The following CADPS2 variants were observed in gnomAD, a reference collection of about 807,000 sequenced individuals.
CADPS2 encodes calcium-dependent secretion activator 2.
A neutral mutation model predicts 172.5 loss-of-function variants in CADPS2; 93 were observed. The observed-to-expected ratio is 0.54, with a 90% CI of 0.46 to 0.64. The LOEUF (loss-of-function observed/expected upper bound fraction) is 0.64. Among genes scored for constraint, CADPS2 ranks in the 30% least tolerant of loss-of-function variants. The probability of loss-of-function intolerance (pLI) is 0.00; values close to 1 mark genes in which losing one functional copy is unlikely to be tolerated. For synonymous variants in CADPS2, 546 were observed against 555.2 expected (o/e 0.98, Z 0.23); for missense variants, 1,420 against 1,565.9 (o/e 0.91, Z 1.57).
At chr7:122,369,142 CT>C (rs774649759) in intron 25 of CADPS2, among the ~76,000 whole-genome samples, 15 of 31,208 alleles carry the variant, frequency 4.8e-4, no homozygotes, top group Admixed American at 9.3e-4. Context: ...CCCCCCCCCC[CT>C]TTTTTTTTTT....
At chr7:122,721,284 G>C (rs1163056761) in intron 2 of CADPS2, among the ~76,000 whole-genome samples, 1 of 151,994 alleles carries the variant, frequency 6.6e-6, no homozygotes, top group Non-Finnish European at 1.5e-5. Flanking sequence ...AAAATTGATA[G>C]ACTGCTAGCA....
At chr7:122,847,911 C>A (rs78220034) in intron 1 of CADPS2, among the ~76,000 whole-genome samples, 1 of 152,104 alleles carries the variant, frequency 6.6e-6, no homozygotes, top group African/African-American at 2.4e-5. Flanking sequence ...GAAAGCAATA[C>A]GGTAGCAAAG....
intron 2 of CADPS2, among the ~76,000 whole-genome samples, chr7:122,700,697 A>G (rs1466384875): frequency 2.6e-5 from 4 of 152,166 alleles, no homozygotes; most frequent in South Asian, 4.1e-4. Context: ...GCTCTGCCCT[A>G]TGTTATCAAA....
rs76081752 is a variant in CADPS2 at position 122,405,270 on chromosome 7, A to C, written c.2746+2270T>G. Among the ~76,000 whole-genome samples the C allele has an allele frequency of 2.1e-3, 313 of 152,352 alleles. 12 individuals are homozygous for C. The East Asian group carries it at 0.055, about 27-fold the overall frequency. On this transcript the variant is annotated intron_variant, in intron 20 of 29. Coordinates refer to ENST00000449022, the MANE Select transcript of CADPS2 (RefSeq NM_017954.11). ...AAGATAATATTAAAAACCTGACTGTAATTTCATAGCAGAAAATGAATGATG... is the reference window on the plus strand; with the variant it reads ...AAGATAATATTAAAAACCTGACTGTCATTTCATAGCAGAAAATGAATGATG...
chr7:122,791,620 T>C (rs1226700923), intron 1 of CADPS2, among the ~76,000 whole-genome samples: 2 of 151,660 alleles, frequency 1.3e-5, no homozygotes, highest in South Asian at 2.1e-4. Context: ...ATTTATTTCA[T>C]TGCTATTTAA....
intron 7 of CADPS2, among the ~76,000 whole-genome samples, chr7:122,575,672 G>A (rs1424687345): frequency 6.6e-6 from 1 of 151,978 alleles, no homozygotes; most frequent in Non-Finnish European, 1.5e-5. Flanking sequence ...CCTGACCTCA[G>A]GTGATCTGCC....
At chr7:122,792,580 A>T (rs924211503) in intron 1 of CADPS2, among the ~76,000 whole-genome samples, 3 of 152,152 alleles carry the variant, frequency 2.0e-5, no homozygotes, top group East Asian at 1.9e-4. Flanking sequence ...ACACTATTTT[A>T]AAAAATGCAA....
At chr7:122,757,517 G>C (rs1171352863) in intron 1 of CADPS2, among the ~76,000 whole-genome samples, 1 of 151,992 alleles carries the variant, frequency 6.6e-6, no homozygotes, top group Non-Finnish European at 1.5e-5. Flanking sequence ...GTTTCTGGTT[G>C]AGATTCTGCC....
At chr7:122,834,683 C>G (rs933244972) in intron 1 of CADPS2, among the ~76,000 whole-genome samples, 4 of 152,216 alleles carry the variant, frequency 2.6e-5, no homozygotes, top group African/African-American at 9.7e-5. Context: ...GAGCCTTGCT[C>G]ACTGCTAGCA....
At chr7:122,666,490 C>T (rs959534710) in intron 2 of CADPS2, among the ~76,000 whole-genome samples, 1 of 152,006 alleles carries the variant, frequency 6.6e-6, no homozygotes, top group Non-Finnish European at 1.5e-5. Flanking sequence ...ACTACTGGCA[C>T]GTGCCACCAT....
chr7:122,541,491 T>C (rs2402616), intron 8 of CADPS2, among the ~76,000 whole-genome samples: 88,871 of 146,676 alleles, frequency 0.61, 27,442 homozygotes, highest in African/African-American at 0.73. Flanking sequence ...CAGGCATGTG[T>C]CATTGTGCCC....
In CADPS2 at chr7:122,735,772, C is replaced by A. The variant is rs779868871; in HGVS notation, c.453+1183G>T. ...TTTATATCTTTTTATACAGATTACTCCCCTGAGCTACATTTCCTTCATCCC... is the reference window on the plus strand; with the variant it reads ...TTTATATCTTTTTATACAGATTACTACCCTGAGCTACATTTCCTTCATCCC... On this transcript the variant is annotated intron_variant, in intron 2 of 29. Coordinates refer to ENST00000449022, the MANE Select transcript of CADPS2 (RefSeq NM_017954.11). Among the ~76,000 whole-genome samples, 9 of 152,196 alleles carry A rather than the reference C, an allele frequency of 5.9e-5. No individual in the cohort carries two copies. The East Asian group carries it at 1.4e-3, about 23-fold the overall frequency.
intron 3 of CADPS2, among the ~76,000 whole-genome samples, chr7:122,647,276 T>A (rs987633070): frequency 6.6e-6 from 1 of 152,060 alleles, no homozygotes; most frequent in Non-Finnish European, 1.5e-5. Context: ...ATTCTCAAAC[T>A]CTACAAGGTA....
chr7:122,810,804 G>C (rs1430944418), intron 1 of CADPS2, among the ~76,000 whole-genome samples: 1 of 151,998 alleles, frequency 6.6e-6, no homozygotes, highest in Non-Finnish European at 1.5e-5. Context: ...ATGTTGCCTA[G>C]GCTGGTATCA....
At chr7:122,506,772 A>G (rs2059640883) in intron 9 of CADPS2, among the ~76,000 whole-genome samples, 1 of 151,924 alleles carries the variant, frequency 6.6e-6, no homozygotes, top group South Asian at 2.1e-4. Flanking sequence ...GCTGAATTTA[A>G]TCATGAAAAA....
chr7:122,679,677 G>A (rs2082812743), intron 2 of CADPS2, among the ~76,000 whole-genome samples: 1 of 152,130 alleles, frequency 6.6e-6, no homozygotes, highest in Non-Finnish European at 1.5e-5. Context: ...GGGCATCACG[G>A]AACCTGCCGA....
intron 2 of CADPS2, among the ~76,000 whole-genome samples, chr7:122,671,131 T>G (rs1423375486): frequency 6.6e-6 from 1 of 152,216 alleles, no homozygotes; most frequent in Non-Finnish European, 1.5e-5. Context: ...TTTAAAATAC[T>G]GATCACACTG....
intron 25 of CADPS2, among the ~76,000 whole-genome samples, chr7:122,368,991 G>GGTT: frequency 6.6e-6 from 1 of 152,124 alleles, no homozygotes; most frequent in East Asian, 1.9e-4. Context: ...CCCACACTTC[G>GGTT]GTTGGTTTAA....
intron 9 of CADPS2, among the ~76,000 whole-genome samples, chr7:122,510,408 C>T (rs935168788): frequency 6.6e-6 from 1 of 152,144 alleles, no homozygotes; most frequent in Non-Finnish European, 1.5e-5. Flanking sequence ...TATTTTCCCA[C>T]CTTTTGACTC....
Sources: gnomAD v4.1 joint callset for allele counts (sites outside exome capture counted in the v4.1 genomes callset) on GRCh38, gnomAD v4.1.1 for gene constraint, MANE v1.5 for transcripts, NCBI Gene and HGNC (gene_info 2026-07-23, HGNC 2026-07-21) for gene names.